Variants in GTF2IRD1 observed in about 807,000 individuals in gnomAD.
GTF2IRD1 encodes the protein general transcription factor II-I repeat domain-containing protein 1.
Under a neutral mutation model 113.2 loss-of-function variants are expected in GTF2IRD1, and 26 were observed. The ratio of observed to expected loss-of-function variants is 0.23; its 90% CI spans 0.17 to 0.32. GTF2IRD1 has a LOEUF of 0.32. GTF2IRD1 is among the 10% of genes least tolerant of loss of function. GTF2IRD1 has a pLI of 1.00. For synonymous variants in GTF2IRD1, 484 were observed against 529.1 expected (o/e 0.91, Z 1.17); for missense variants, 864 against 1,280.8 (o/e 0.67, Z 4.97).
rs587676526 is a variant in GTF2IRD1 at position 74,542,382 on chromosome 7, T to G, written c.1619-2373T>G. 7.8e-4 allele frequency among the ~76,000 whole-genome samples: 118 copies of G among 151,786 alleles called. 2 individuals carry two copies. In the South Asian group the frequency reaches 0.024, roughly 31 times the overall value. Reference sequence around the variant, plus strand: ...CTGCACTCCAGCCTGGGCAACAGAGTGAAATTCTATCTCAAAAACAAGCAA... The same window carrying G: ...CTGCACTCCAGCCTGGGCAACAGAGGGAAATTCTATCTCAAAAACAAGCAA... On this transcript the variant is annotated intron_variant, in intron 14 of 26. Coordinates refer to ENST00000424337, the MANE Select transcript of GTF2IRD1 (RefSeq NM_005685.4).
At chr7:74,454,585 C>CT (rs1194697449) in intron 1 of GTF2IRD1, among the ~76,000 whole-genome samples, 122 of 90,784 alleles carry the variant, frequency 1.3e-3, no homozygotes, top group Non-Finnish European at 2.0e-3. Flanking sequence ...CGGTCCCCGC[C>CT]TTTCCCCCCT....
At chr7:74,573,454 G>A (rs73702623) in intron 22 of GTF2IRD1, among the ~76,000 whole-genome samples, 2 of 151,396 alleles carry the variant, frequency 1.3e-5, no homozygotes, top group African/African-American at 2.4e-5. Context: ...TTCCGGACCC[G>A]AAAGGGAGCA....
At chr7:74,539,775 A>T in intron 13 of GTF2IRD1, 104 bp from the exon 14 acceptor site, 1 of 725,116 alleles carries the variant, frequency 1.4e-6, no homozygotes, top group Non-Finnish European at 2.4e-6. Context: ...CAGAAAGAAA[A>T]GGACCCTTGT....
intron 1 of GTF2IRD1, among the ~76,000 whole-genome samples, chr7:74,456,395 G>A (rs1404224219): frequency 6.6e-6 from 1 of 152,154 alleles, no homozygotes; most frequent in Non-Finnish European, 1.5e-5. Flanking sequence ...CATAAATCCT[G>A]TAGTCTGGCC....
At chr7:74,597,829 A>G (rs1299114026) in intron 25 of GTF2IRD1, among the ~76,000 whole-genome samples, 1 of 152,134 alleles carries the variant, frequency 6.6e-6, no homozygotes, top group African/African-American at 2.4e-5. Context: ...TGAACCATAG[A>G]CCACCGTGGG....
chr7:74,592,200 A>T (rs1458881662), intron 24 of GTF2IRD1, among the ~76,000 whole-genome samples: 1 of 151,990 alleles, frequency 6.6e-6, no homozygotes, highest in Non-Finnish European at 1.5e-5. Flanking sequence ...CCCAGGTTCA[A>T]GCAATTCTCC....
At position 74,544,775 on chromosome 7, in the gene GTF2IRD1, G is replaced by T. The variant is rs144556263; in HGVS notation, c.1639G>T (p.Ala547Ser). The change falls in exon 15 of 27, where the codon GCG becomes TCG. Residue 547 changes from alanine (A) to serine (S), a missense_variant. Coordinates refer to ENST00000424337, the MANE Select transcript of GTF2IRD1 (RefSeq NM_005685.4). Reference protein sequence around the residue: ...MLTDKGLSEDARPEERPVEDS... With the variant: ...MLTDKGLSEDSRPEERPVEDS... Reference sequence around the variant, plus strand: ...TTTAGACAAAGGTCTGAGTGAGGACGCGCGGCCCGAGGAGAGGCCCGTGGA... The same window carrying T: ...TTTAGACAAAGGTCTGAGTGAGGACTCGCGGCCCGAGGAGAGGCCCGTGGA... 1.2e-6 allele frequency: 2 copies of T among 1,613,892 alleles called. No homozygotes were observed. Among genetic ancestry groups the T allele is most frequent in the African/African-American group, 1.3e-5 (1 of 75,018 alleles).
intron 20 of GTF2IRD1, among the ~76,000 whole-genome samples, chr7:74,558,235 C>T (rs1464251091): frequency 2.1e-5 from 3 of 144,922 alleles, no homozygotes; most frequent in Non-Finnish European, 4.5e-5. Context: ...GCTGAGATCG[C>T]GCCATTGCAT....
intron 1 of GTF2IRD1, among the ~76,000 whole-genome samples, chr7:74,493,479 C>T (rs532395490): frequency 6.6e-6 from 1 of 152,230 alleles, no homozygotes; most frequent in South Asian, 2.1e-4. Flanking sequence ...GAATAATCCC[C>T]TACCTCAAGA....
chr7:74,574,773 T>C (rs989647557), intron 22 of GTF2IRD1, among the ~76,000 whole-genome samples: 2 of 151,730 alleles, frequency 1.3e-5, no homozygotes, highest in African/African-American at 4.8e-5. Context: ...TGCTGGACTT[T>C]TAATCAACAC....
chr7:74,552,577 G>T (rs1430572225), intron 17 of GTF2IRD1, among the ~76,000 whole-genome samples: 4 of 152,144 alleles, frequency 2.6e-5, no homozygotes, highest in African/African-American at 9.7e-5. Flanking sequence ...CCAGCTTAAA[G>T]AGTTTGAATT....
chr7:74,591,045 A>G (rs1802028047), intron 24 of GTF2IRD1, 28 bp downstream of exon 24: 1 of 1,553,868 alleles, frequency 6.4e-7, no homozygotes, highest in African/African-American at 1.4e-5. Flanking sequence ...GGAACGGGGA[A>G]CAGAGAGGGC....
At chr7:74,579,550 G>A (rs1238497802) in intron 22 of GTF2IRD1, among the ~76,000 whole-genome samples, 3 of 151,520 alleles carry the variant, frequency 2.0e-5, no homozygotes, top group Non-Finnish European at 4.4e-5. Flanking sequence ...CCTGGGAGGC[G>A]GAGGTTGCAG....
chr7:74,480,904 A>G (rs1470633903), intron 1 of GTF2IRD1, among the ~76,000 whole-genome samples: 1 of 152,084 alleles, frequency 6.6e-6, no homozygotes, highest in Non-Finnish European at 1.5e-5. Flanking sequence ...TGGAGGAAGG[A>G]CGCCCTACCT....
At chr7:74,482,633 A>G (rs1584490895) in intron 1 of GTF2IRD1, among the ~76,000 whole-genome samples, 1 of 152,210 alleles carries the variant, frequency 6.6e-6, no homozygotes, top group Non-Finnish European at 1.5e-5. Context: ...AGATCAAGAA[A>G]CAGCATTGAC....
At chr7:74,573,461 A>G (rs2130882402) in intron 22 of GTF2IRD1, among the ~76,000 whole-genome samples, 1 of 151,938 alleles carries the variant, frequency 6.6e-6, no homozygotes, top group South Asian at 2.1e-4. Flanking sequence ...CCCGAAAGGG[A>G]GCAGGGTTGG....
chr7:74,523,030 G>A (rs587724106), intron 7 of GTF2IRD1, among the ~76,000 whole-genome samples: 10 of 152,246 alleles, frequency 6.6e-5, no homozygotes, highest in African/African-American at 2.4e-4. Flanking sequence ...TCAGATGTAG[G>A]AGGTACAAGG....
intron 1 of GTF2IRD1, among the ~76,000 whole-genome samples, chr7:74,472,068 A>C (rs990905372): frequency 6.6e-6 from 1 of 152,220 alleles, no homozygotes; most frequent in Non-Finnish European, 1.5e-5. Context: ...TATTGCATGT[A>C]TATTACACTC....
chr7:74,551,947 A>G (rs1428725142), intron 17 of GTF2IRD1, among the ~76,000 whole-genome samples: 1 of 152,042 alleles, frequency 6.6e-6, no homozygotes, highest in African/African-American at 2.4e-5. Flanking sequence ...AAAAATAAAT[A>G]AATAAAAATA....
Sources: gnomAD v4.1 joint callset for allele counts (sites outside exome capture counted in the v4.1 genomes callset) on GRCh38, gnomAD v4.1.1 for gene constraint, MANE v1.5 for transcripts, NCBI Gene and HGNC (gene_info 2026-07-23, HGNC 2026-07-21) for gene names.